Variants in HOMER1 observed in about 807,000 individuals in gnomAD.
HOMER1 encodes the protein homer scaffold protein 1, also known as homer protein homolog 1.
In HOMER1, 3 loss-of-function variants were observed where a neutral mutation model predicts 48.9. The ratio of observed to expected loss-of-function variants is 0.06; its 90% confidence interval spans 0.03 to 0.16. The LOEUF is 0.16. Among genes scored for constraint, HOMER1 ranks in the 10% least tolerant of loss-of-function variants. The pLI is 1.00. For missense variants in HOMER1, 247 were observed against 411.4 expected (o/e 0.60, Z 3.46); for synonymous variants, 134 against 146.4 (o/e 0.92, Z 0.61).
At chr5:79,382,691 A>T (rs1749012757) in intron 8 of HOMER1, among the ~76,000 whole-genome samples, 1 of 152,234 alleles carries the variant, frequency 6.6e-6, no homozygotes, top group African/African-American at 2.4e-5. Flanking sequence ...TGAAAGGATG[A>T]CATTTTCCAT....
intron 8 of HOMER1, among the ~76,000 whole-genome samples, chr5:79,395,356 T>C (rs1050168769): frequency 1.3e-5 from 2 of 152,112 alleles, no homozygotes; most frequent in Non-Finnish European, 2.9e-5. Context: ...ACATTTTGGG[T>C]TGGATAATCT....
intron 1 of HOMER1, among the ~76,000 whole-genome samples, chr5:79,502,211 A>G (rs1437891970): frequency 2.6e-5 from 4 of 151,794 alleles, no homozygotes; most frequent in South Asian, 2.1e-4. Flanking sequence ...GTAGAGATGG[A>G]GTTTCACTAT....
At chr5:79,378,209 T>TA (rs1424732637) in intron 8 of HOMER1, among the ~76,000 whole-genome samples, 3 of 119,686 alleles carry the variant, frequency 2.5e-5, no homozygotes, top group Admixed American at 9.3e-5. Context: ...GGTGACAGAG[T>TA]AAGACTCTGT....
chr5:79,483,753 T>TAAAA (rs70975754), intron 1 of HOMER1, among the ~76,000 whole-genome samples: 8 of 133,884 alleles, frequency 6.0e-5, no homozygotes, highest in African/African-American at 1.3e-4. Flanking sequence ...ACCGTTTAAG[T>TAAAA]AAAAAAAAAA....
intron 8 of HOMER1, among the ~76,000 whole-genome samples, chr5:79,379,201 T>C (rs1220363110): frequency 1.0e-5 from 1 of 99,432 alleles, no homozygotes; most frequent in Non-Finnish European, 1.9e-5. Context: ...CTATAATATA[T>C]ATTATATATA....
intron 5 of HOMER1, among the ~76,000 whole-genome samples, chr5:79,426,525 T>C (rs1025618701): frequency 1.3e-5 from 2 of 151,952 alleles, no homozygotes; most frequent in Non-Finnish European, 2.9e-5. Flanking sequence ...GAACATTATG[T>C]TAAATAAAAT....
intron 1 of HOMER1, among the ~76,000 whole-genome samples, chr5:79,488,295 G>A (rs1033395564): frequency 5.3e-5 from 8 of 152,228 alleles, no homozygotes; most frequent in Non-Finnish European, 7.3e-5. Context: ...GGGTCCTGAC[G>A]CAGCTAAGTG....
chr5:79,432,202 T>C (rs12657371), intron 5 of HOMER1, among the ~76,000 whole-genome samples: 40,272 of 152,138 alleles, frequency 0.26, 6,514 homozygotes, highest in East Asian at 0.75. Flanking sequence ...AACATTCTTC[T>C]CTACGTCCTA....
intron 1 of HOMER1, among the ~76,000 whole-genome samples, chr5:79,480,212 A>T (rs2112340134): frequency 6.6e-6 from 1 of 152,348 alleles, no homozygotes; most frequent in African/African-American, 2.4e-5. Flanking sequence ...AAGCAGCAGC[A>T]CTGTTACAAA....
chr5:79,428,520 T>C (rs1750333709), intron 5 of HOMER1, among the ~76,000 whole-genome samples: 1 of 152,078 alleles, frequency 6.6e-6, no homozygotes, highest in African/African-American at 2.4e-5. Flanking sequence ...ACAGATGATA[T>C]AATTTTATAT....
At chr5:79,498,090 T>C (rs1305429275) in intron 1 of HOMER1, among the ~76,000 whole-genome samples, 1 of 152,196 alleles carries the variant, frequency 6.6e-6, no homozygotes, top group Non-Finnish European at 1.5e-5. Flanking sequence ...CTGGTCTTCC[T>C]TCTTCAGTCA....
intron 5 of HOMER1, among the ~76,000 whole-genome samples, chr5:79,435,704 G>A (rs1373280939): frequency 1.3e-5 from 2 of 149,918 alleles, no homozygotes; most frequent in African/African-American, 2.5e-5. Flanking sequence ...GGTGGCGGGC[G>A]CCTGTAGTCC....
At chr5:79,480,699 G>A (rs1751921993) in intron 1 of HOMER1, among the ~76,000 whole-genome samples, 1 of 152,104 alleles carries the variant, frequency 6.6e-6, no homozygotes, top group Non-Finnish European at 1.5e-5. Context: ...TAAAATCTGA[G>A]AATTTTAACT....
chr5:79,459,446 A>C (rs1751257343), intron 1 of HOMER1, among the ~76,000 whole-genome samples: 1 of 152,162 alleles, frequency 6.6e-6, no homozygotes, highest in African/African-American at 2.4e-5. Flanking sequence ...AGCTTTCTTT[A>C]ATTCTCTTCT....
At chr5:79,446,309 C>T (rs973158559) in intron 4 of HOMER1, among the ~76,000 whole-genome samples, 4 of 152,204 alleles carry the variant, frequency 2.6e-5, no homozygotes, top group African/African-American at 7.2e-5. Flanking sequence ...TTCCCCTCCC[C>T]TGCTTTACCT....
chr5:79,456,665 A>G (rs1420659235), intron 2 of HOMER1, among the ~76,000 whole-genome samples, 197 bp downstream of exon 2: 6 of 152,244 alleles, frequency 3.9e-5, no homozygotes, highest in African/African-American at 1.2e-4. Flanking sequence ...TTGGCATGTA[A>G]CAATGTAATA....
rs1031295411 is a variant in HOMER1 at position 79,484,262 on chromosome 5, A to G, written c.6-27244T>C. 4.6e-5 allele frequency among the ~76,000 whole-genome samples: 7 copies of G among 152,174 alleles called. 1 individual carries two copies. The highest frequency in any genetic ancestry group is 4.6e-4 in the Admixed American group (7 of 15,264). On this transcript the variant is annotated intron_variant, in intron 1 of 8. Transcript: ENST00000334082. ...AAAGGTATAGTTAGTAAGCTAACAA[A>G]AGAGATGAAATAAATCATAAAAAAA...
chr5:79,414,048 C>A (rs1325044669), intron 5 of HOMER1, among the ~76,000 whole-genome samples: 1 of 152,012 alleles, frequency 6.6e-6, no homozygotes, highest in East Asian at 1.9e-4. Flanking sequence ...TTCTTGGGAT[C>A]CTCTCATCAG....
intron 8 of HOMER1, among the ~76,000 whole-genome samples, chr5:79,392,324 C>T (rs1749273806): frequency 6.6e-6 from 1 of 152,074 alleles, no homozygotes; most frequent in South Asian, 2.1e-4. Flanking sequence ...CCCTTGAAGA[C>T]CTTCTAGTGG....
Sources: gnomAD v4.1 joint callset for allele counts (sites outside exome capture counted in the v4.1 genomes callset) on GRCh38, gnomAD v4.1.1 for gene constraint, MANE v1.5 for transcripts, NCBI Gene and HGNC (gene_info 2026-07-23, HGNC 2026-07-21) for gene names.